The following MLXIP variants were observed in gnomAD, a reference collection of about 807,000 sequenced individuals.
The protein encoded by MLXIP is MLX-interacting protein.
Under a neutral mutation model 87.2 loss-of-function variants are expected in MLXIP, and 30 were observed. The observed-to-expected ratio is 0.34, with a 90% confidence interval of 0.26 to 0.47. MLXIP has a LOEUF of 0.47. Ranked by LOEUF, MLXIP falls within the 20% of genes least tolerant of loss-of-function variation. The probability of loss-of-function intolerance (pLI) is 1.00; values close to 1 mark genes in which losing one functional copy is unlikely to be tolerated. For missense variants in MLXIP, 1,002 were observed against 1,240.1 expected (o/e 0.81, Z 2.88); for synonymous variants, 530 against 514.0 (o/e 1.03, Z -0.42).
In MLXIP at chr12:122,127,457, G is replaced by A. The variant is rs929899456; in HGVS notation, c.520+95G>A. The A allele has an allele frequency of 1.0e-5, 9 of 864,094 alleles. No individual in the cohort carries two copies. In the African/African-American group the frequency reaches 1.5e-4, roughly 15 times the overall value. 53.5% of individuals were successfully genotyped at this position (864,094 alleles called of 1,614,324 possible). On this transcript the variant is annotated intron_variant, in intron 2 of 16. Transcript: ENST00000319080. ...GACCAGAGTCTGCTCCTGGGACCTGGTGTTTCTAACAGAAGTTCAGTCTGT... is the reference window on the plus strand; with the variant it reads ...GACCAGAGTCTGCTCCTGGGACCTGATGTTTCTAACAGAAGTTCAGTCTGT...
At chr12:122,136,673 A>G (rs1197861045) in intron 11 of MLXIP, 3 of 152,150 alleles carry the variant, frequency 2.0e-5, no homozygotes, top group Non-Finnish European at 4.4e-5. Flanking sequence ...ACTCTGAGCA[A>G]ACAGTTGTCT....
rs1953146250 is a variant in MLXIP, at chr12:122,138,917, G to T, written c.2487G>T (p.Leu829Phe). The T allele has an allele frequency of 6.2e-7, 1 of 1,614,086 alleles. No individual in the cohort carries two copies. Among genetic ancestry groups the T allele is most frequent in the Non-Finnish European group, 8.5e-7 (1 of 1,179,914 alleles). Reference protein sequence around the residue: ...MFDEYVKTRTLQNWKFWIFSI... With the variant: ...MFDEYVKTRTFQNWKFWIFSI... ...ACGAATACGTGAAAACCCGGACCTT[G>T]CAGAATTGGAAGTTCTGGATTGTAT... The change falls in exon 15 of 17, where the codon TTG (leucine) becomes TTT (phenylalanine). Residue 829 changes from leucine to phenylalanine, a missense_variant. Coordinates refer to ENST00000319080, the MANE Select transcript of MLXIP (RefSeq NM_014938.6).
At position 122,141,198 on chromosome 12, in the gene MLXIP, G is replaced by A. The variant is rs990214448; in HGVS notation, c.2638+115G>A. ...CTGCAGGCAGCCAGGTGGGGCCGGG[G>A]CAGGGGCACAGTGCTGTCCAGGAGG... On this transcript the variant is annotated intron_variant, in intron 16 of 16. Coordinates refer to ENST00000319080, the MANE Select transcript of MLXIP (RefSeq NM_014938.6). The A allele has an allele frequency of 5.2e-5, 74 of 1,424,198 alleles. No individual in the cohort carries two copies. In the South Asian group the frequency reaches 9.2e-4, roughly 18 times the overall value. 88.2% of individuals were successfully genotyped at this position (1,424,198 alleles called of 1,614,324 possible).
intron 1 of MLXIP, among the ~76,000 whole-genome samples, chr12:122,093,394 TTA>T (rs1287883110): frequency 1.5e-5 from 2 of 131,182 alleles, no homozygotes; most frequent in African/African-American, 2.9e-5. Flanking sequence ...GTGTGGGTGG[TTA>T]TGTGTGTGGT....
chr12:122,135,583 C>G lies in MLXIP; in HGVS notation c.1949C>G (p.Pro650Arg), dbSNP rs1425070304. 3 of 1,594,188 alleles carry G rather than the reference C, an allele frequency of 1.9e-6. No individual in the cohort carries two copies. Among genetic ancestry groups the G allele is most frequent in the East Asian group, 2.3e-5 (1 of 43,904 alleles). ...CCTGCCCCCGTCTCCCGGCTCTTCCCAAGCACAGCGCAAGACCCCCTGGGG... is the reference window on the plus strand; with the variant it reads ...CCTGCCCCCGTCTCCCGGCTCTTCCGAAGCACAGCGCAAGACCCCCTGGGG... Reference protein sequence around the residue: ...SPPAPVSRLFPSTAQDPLGKG... With the variant: ...SPPAPVSRLFRSTAQDPLGKG... Residue 650 changes from proline (P) to arginine (R), a missense_variant, in exon 11 of 17, where the codon CCA (proline) becomes CGA (arginine). Pro to Arg is a moderately radical substitution (Grantham distance 103). Transcript: ENST00000319080. The surrounding 1 kb of genome is among the most constrained non-coding windows in gnomAD (Gnocchi z 5.3).
Position 122,130,101 on chromosome 12 carries a change from C to T in MLXIP, c.899C>T (p.Pro300Leu). 1.9e-6 allele frequency: 3 copies of T among 1,613,536 alleles called. No homozygotes were observed. Among genetic ancestry groups the T allele is most frequent in the East Asian group, 2.2e-5 (1 of 44,856 alleles). ...SSHQPVAWPN[P>L]REIAHLGNAD... ...CACCAGCCGGTGGCCTGGCCCAATC[C>T]CCGGGAAATAGGTAACCCAAACCAG... The change falls in exon 6 of 17, where the codon CCC (proline) becomes CTC (leucine). Residue 300 changes from proline to leucine, a missense_variant. Physicochemically the swap from Pro to Leu is moderately conservative, Grantham distance 98 (BLOSUM62 -3). Transcript: ENST00000319080.
intron 1 of MLXIP, among the ~76,000 whole-genome samples, chr12:122,103,205 ATT>A (rs879312717): frequency 0.026 from 522 of 20,156 alleles, 4 homozygotes; most frequent in Non-Finnish European, 0.039. Flanking sequence ...GTATGTATTT[ATT>A]TATTTATTTA....
At position 122,138,284 on chromosome 12, in the gene MLXIP, A is replaced by G; in HGVS notation, c.2245A>G (p.Asn749Asp). The G allele has an allele frequency of 6.2e-7, 1 of 1,613,760 alleles. No individual in the cohort carries two copies. The highest frequency in any genetic ancestry group is 8.5e-7 in the Non-Finnish European group (1 of 1,179,808). ...FDMLNSLISN[N>D]SKLTSHAITL... ...CATGCTCAACAGCCTCATCTCCAAC[A>G]ATTCCAAGCTGGTGAGTTGCCAAGA... Residue 749 changes from asparagine (N) to aspartate (D), a missense_variant, in exon 13 of 17, where the codon AAT (asparagine) becomes GAT (aspartate). By Grantham distance (23) the Asn-to-Asp change is conservative. Around this residue, in one of 3 missense-constraint regions of MLXIP, gnomAD observed 746 missense variants for 897.0 expected, o/e 0.83. Transcript: ENST00000319080.
chr12:122,096,300 A>G (rs1456894278), intron 1 of MLXIP, among the ~76,000 whole-genome samples: 7 of 151,570 alleles, frequency 4.6e-5, no homozygotes, highest in Non-Finnish European at 8.8e-5. Flanking sequence ...ACTACTATTT[A>G]TTTTCTCTCT....
In MLXIP at chr12:122,135,179, C is replaced by G. The variant is rs769187690; in HGVS notation, c.1733-45C>G. The stretch of plus-strand genomic sequence containing the variant: ...GCAGCCTCTGCAGGGTGGGCCAGGC[C>G]CTGTGGCCCAGGGCTGCACCTGAAC... On this transcript the variant is annotated intron_variant, in intron 9 of 16. Coordinates refer to ENST00000319080, the MANE Select transcript of MLXIP (RefSeq NM_014938.6). This position sits in a 1 kb window ranked among gnomAD's most constrained non-coding sequence, Gnocchi z 5.3. 6.2e-7 allele frequency: 1 copy of G among 1,604,756 alleles called. No homozygotes were observed. The highest frequency in any genetic ancestry group is 8.5e-7 in the Non-Finnish European group (1 of 1,176,300).
rs9668459 is a variant in MLXIP, at chr12:122,142,153, G to A, written c.*341G>A. 1,409 of 701,312 alleles carry A rather than the reference G, an allele frequency of 2.0e-3. 28 individuals are homozygous for A. In the East Asian group the frequency reaches 0.032, roughly 16 times the overall value. The allele number at this position is 701,312 out of a possible 1,614,324, so 43.4% of individuals were successfully genotyped here. A position where few individuals can be genotyped will look rare whatever the true frequency, so the allele number is the denominator to read the frequency against. On this transcript the variant is annotated 3_prime_UTR_variant, in exon 17 of 17. Transcript: ENST00000319080. ...CCTGCCGGGCCTGGCGCCGGTGAGC[G>A]GAATCGATGGGATGAGGGTGACAGG...
intron 1 of MLXIP, among the ~76,000 whole-genome samples, chr12:122,094,898 G>A (rs1378994491): frequency 1.3e-5 from 2 of 149,276 alleles, no homozygotes; most frequent in Admixed American, 1.3e-4. Flanking sequence ...TATGGGGAGT[G>A]TGTGGGTATG....
At chr12:122,081,532 C>T (rs758261727) in intron 1 of MLXIP, among the ~76,000 whole-genome samples, 5 of 152,076 alleles carry the variant, frequency 3.3e-5, no homozygotes, top group African/African-American at 7.2e-5. Flanking sequence ...AGGTTGAGAT[C>T]GGAGGCAACG....
rs1290722076 is a variant in MLXIP at position 122,093,684 on chromosome 12, C to T, written c.413+14418C>T. On this transcript the variant is annotated intron_variant, in intron 1 of 16. Transcript: ENST00000319080. ...GATATGTGTGTGTGGTGTATGTGTG[C>T]GGTGTTGGTGTGTGGGGTGTGTTGG... 6.1e-4 allele frequency among the ~76,000 whole-genome samples: 31 copies of T among 50,968 alleles called. No individual in the cohort carries two copies. In the East Asian group the frequency reaches 7.8e-3, roughly 13 times the overall value. The allele number at this position is 50,968 out of a possible 152,430, so 33.4% of individuals were successfully genotyped here. A position where few individuals can be genotyped will look rare whatever the true frequency, so the allele number is the denominator to read the frequency against.
At chr12:122,117,332 C>T (rs554738571) in intron 1 of MLXIP, among the ~76,000 whole-genome samples, 1 of 152,366 alleles carries the variant, frequency 6.6e-6, no homozygotes, top group African/African-American at 2.4e-5. Context: ...CACACTGCCC[C>T]TCCTGTCAAG....
At chr12:122,082,043 ACC>A (rs1829193133) in intron 1 of MLXIP, among the ~76,000 whole-genome samples, 2 of 152,108 alleles carry the variant, frequency 1.3e-5, no homozygotes, top group African/African-American at 4.8e-5. Context: ...GTTATTTTTT[ACC>A]GAGTCCTGAG....
chr12:122,080,952 CG>C (rs1565952853), intron 1 of MLXIP, among the ~76,000 whole-genome samples: 1 of 152,082 alleles, frequency 6.6e-6, no homozygotes, highest in Non-Finnish European at 1.5e-5. Context: ...GGATGAGTCA[CG>C]GGGGGCATGG....
At chr12:122,101,567 T>TTTA (rs1160894828) in intron 1 of MLXIP, among the ~76,000 whole-genome samples, 129 of 20,472 alleles carry the variant, frequency 6.3e-3, no homozygotes, top group African/African-American at 0.03. Flanking sequence ...TATTTATTTA[T>TTTA]TTTTTTCTTT....
chr12:122,122,693 C>T (rs1402734369), intron 1 of MLXIP, among the ~76,000 whole-genome samples: 1 of 152,042 alleles, frequency 6.6e-6, no homozygotes, highest in African/African-American at 2.4e-5. Flanking sequence ...AGGCGCCCGC[C>T]ACCACGACGC....
Sources: gnomAD v4.1 joint callset for allele counts (sites outside exome capture counted in the v4.1 genomes callset) on GRCh38, gnomAD v4.1.1 for gene constraint, gnomAD v4.1.1 regional missense constraint, Gnocchi (gnomAD v3.1) non-coding constraint, MANE v1.5 for transcripts, NCBI Gene and HGNC (gene_info 2026-07-23, HGNC 2026-07-21) for gene names.